The following SRBD1 variants were observed in gnomAD, a reference collection of about 807,000 sequenced individuals.
The protein encoded by SRBD1 is S1 RNA binding domain 1.
In SRBD1, 88 loss-of-function variants were observed where a neutral mutation model predicts 115.3. The ratio of observed to expected loss-of-function variants is 0.76; its 90% CI spans 0.64 to 0.91. The LOEUF is 0.91. SRBD1 is among the 40% of genes least tolerant of loss of function. The probability of loss-of-function intolerance (pLI) is 0.00; values close to 1 mark genes in which losing one functional copy is unlikely to be tolerated. For missense variants in SRBD1, 1,385 were observed against 1,177.4 expected, an observed-to-expected ratio of 1.18 and a Z score of -2.58; for synonymous variants, 509 against 407.7, an observed-to-expected ratio of 1.25 and a Z score of -2.99.
chr2:45,555,964 T>C (rs1672462790), intron 10 of SRBD1, among the ~76,000 whole-genome samples: 1 of 152,190 alleles, frequency 6.6e-6, no homozygotes, highest in South Asian at 2.1e-4. Context: ...AAAATATTAA[T>C]TAATATTACC....
intron 1 of SRBD1, among the ~76,000 whole-genome samples, chr2:45,610,153 T>G (rs935032617): frequency 1.3e-5 from 2 of 152,128 alleles, no homozygotes; most frequent in African/African-American, 4.8e-5. Context: ...ATGAGCATAT[T>G]CCAAACCAAT....
At chr2:45,592,027 T>C (rs774596882) in intron 4 of SRBD1, among the ~76,000 whole-genome samples, 1 of 152,096 alleles carries the variant, frequency 6.6e-6, no homozygotes, top group Non-Finnish European at 1.5e-5. Flanking sequence ...TGGGGGCCAG[T>C]CTCTCCTGTG....
At chr2:45,474,104 T>C (rs1669732953) in intron 16 of SRBD1, among the ~76,000 whole-genome samples, 1 of 152,248 alleles carries the variant, frequency 6.6e-6, no homozygotes, top group African/African-American at 2.4e-5. Flanking sequence ...TTCTAAGATA[T>C]TTGATTGGTT....
At chr2:45,581,028 C>A (rs1432901517) in intron 6 of SRBD1, among the ~76,000 whole-genome samples, 1 of 152,130 alleles carries the variant, frequency 6.6e-6, no homozygotes, top group South Asian at 2.1e-4. Flanking sequence ...CCACCATCAT[C>A]TGGCTTCTCT....
chr2:45,482,613 A>AACACACACAC (rs70937962), intron 15 of SRBD1, among the ~76,000 whole-genome samples: 1 of 148,560 alleles, frequency 6.7e-6, no homozygotes, highest in Non-Finnish European at 1.5e-5. Context: ...CACAACGTTA[A>AACACACACAC]ACACACACAC....
chr2:45,546,649 A>G lies in SRBD1; in HGVS notation c.1874+83T>C, dbSNP rs577529274. On this transcript the variant is annotated intron_variant, in intron 14 of 20. Transcript: ENST00000263736. ...AGGGCAAAGAAGATGTACATCTTAA[A>G]AAGAGAAGGGAGGATTCATCACAAA... 99 of 1,336,578 alleles carry G rather than the reference A, an allele frequency of 7.4e-5. No homozygotes were observed. In the East Asian group the frequency reaches 2.3e-3, roughly 31 times the overall value. The allele number at this position is 1,336,578 out of a possible 1,614,324, so 82.8% of individuals were successfully genotyped here. A position where few individuals can be genotyped will look rare whatever the true frequency, so the allele number is the denominator to read the frequency against.
intron 12 of SRBD1, among the ~76,000 whole-genome samples, chr2:45,548,332 C>A: frequency 6.6e-6 from 1 of 151,388 alleles, no homozygotes; most frequent in Non-Finnish European, 1.5e-5. Context: ...TTAGCAATAC[C>A]AATCAAGTAA....
rs1201601310 is a variant in SRBD1, at chr2:45,426,195, T to G, written c.2050-6301A>C. On this transcript the variant is annotated intron_variant, in intron 16 of 20. Coordinates refer to ENST00000263736, the MANE Select transcript of SRBD1 (RefSeq NM_018079.5). Reference sequence around the variant, plus strand: ...GCACCCATCATTACTGAGGCTTGAGTAGGCGGTTTTCCCTTCACAGTGTAA... The same window carrying G: ...GCACCCATCATTACTGAGGCTTGAGGAGGCGGTTTTCCCTTCACAGTGTAA... Among the ~76,000 whole-genome samples, 3 of 152,150 alleles carry G rather than the reference T, an allele frequency of 2.0e-5. No homozygotes were observed. The East Asian group carries it at 5.8e-4, about 30-fold the overall frequency.
chr2:45,550,985 T>C (rs1042583903), intron 12 of SRBD1, 140 bp downstream of exon 12: 2 of 881,848 alleles, frequency 2.3e-6, no homozygotes, highest in African/African-American at 3.4e-5. Flanking sequence ...GATTATCTGG[T>C]TCCCAACACC....
chr2:45,520,723 G>C (rs1007240548), intron 14 of SRBD1, among the ~76,000 whole-genome samples: 3 of 152,152 alleles, frequency 2.0e-5, no homozygotes, highest in Non-Finnish European at 2.9e-5. Context: ...GAGTTTGGCT[G>C]GGGGTGGTCG....
chr2:45,569,588 G>C (rs756739444), intron 9 of SRBD1: 1 of 152,126 alleles, frequency 6.6e-6, no homozygotes, highest in Non-Finnish European at 1.5e-5. Flanking sequence ...GTAAAATGCA[G>C]ATAGGAAGAA....
At chr2:45,523,439 C>G (rs1446530220) in intron 14 of SRBD1, among the ~76,000 whole-genome samples, 1 of 151,604 alleles carries the variant, frequency 6.6e-6, no homozygotes, top group Admixed American at 6.6e-5. Context: ...ACAAAATTGA[C>G]AAACCATTAG....
At chr2:45,596,914 C>A (rs1572822955) in intron 4 of SRBD1, among the ~76,000 whole-genome samples, 1 of 136,864 alleles carries the variant, frequency 7.3e-6, no homozygotes, top group South Asian at 2.3e-4. Flanking sequence ...TCAGAGAACA[C>A]CCCCCCACAA....
In SRBD1 at chr2:45,389,305, G is replaced by T; in HGVS notation, c.*5C>A. 6.2e-7 allele frequency: 1 copy of T among 1,609,354 alleles called. No homozygotes were observed. The highest frequency in any genetic ancestry group is 8.5e-7 in the Non-Finnish European group (1 of 1,176,718). On this transcript the variant is annotated 3_prime_UTR_variant, in exon 21 of 21. Coordinates refer to ENST00000263736, the MANE Select transcript of SRBD1 (RefSeq NM_018079.5). ...TAAAATCAGCGTCTGGCCTTCGTGG[G>T]ATACTCATAACACCCGAATGAGGTC...
intron 14 of SRBD1, among the ~76,000 whole-genome samples, chr2:45,528,755 G>A (rs1353782439): frequency 6.6e-6 from 1 of 151,836 alleles, no homozygotes; most frequent in East Asian, 1.9e-4. Context: ...CTGGAGTGTT[G>A]TCTAAGTTTA....
At chr2:45,463,098 T>A (rs1669375099) in intron 16 of SRBD1, among the ~76,000 whole-genome samples, 4 of 151,324 alleles carry the variant, frequency 2.6e-5, no homozygotes, top group African/African-American at 9.7e-5. Context: ...CTTTCCATGA[T>A]CACCAGAAAG....
chr2:45,416,631 A>G (rs1320800191), intron 18 of SRBD1, among the ~76,000 whole-genome samples: 2 of 152,240 alleles, frequency 1.3e-5, no homozygotes, highest in Admixed American at 1.3e-4. Flanking sequence ...ATACATTTTT[A>G]AAATAATAAA....
intron 16 of SRBD1, among the ~76,000 whole-genome samples, chr2:45,431,546 G>A (rs1185683629): frequency 6.6e-6 from 1 of 152,082 alleles, no homozygotes; most frequent in Non-Finnish European, 1.5e-5. Flanking sequence ...AACACCACAT[G>A]TTCTCACTCA....
At chr2:45,537,489 G>C (rs1434611152) in intron 14 of SRBD1, among the ~76,000 whole-genome samples, 1 of 152,126 alleles carries the variant, frequency 6.6e-6, no homozygotes, top group Non-Finnish European at 1.5e-5. Flanking sequence ...ACATAGTCTT[G>C]GTTCTGAGGG....
Sources: allele counts gnomAD v4.1 joint callset (sites outside exome capture counted in the v4.1 genomes callset), GRCh38; gene constraint gnomAD v4.1.1; transcripts MANE v1.5; gene names NCBI Gene and HGNC (gene_info 2026-07-23, HGNC 2026-07-21).